DLGAP2: variants seen among roughly 807,000 people sequenced by gnomAD.
DLGAP2 encodes disks large-associated protein 2.
DLGAP2 carries 26 observed loss-of-function variants against 100.3 expected under a neutral mutation model. That is an observed-to-expected ratio of 0.26 (90% CI 0.19 to 0.36). The LOEUF is 0.36. Ranked by LOEUF, DLGAP2 falls within the 10% of genes least tolerant of loss-of-function variation. The pLI is 1.00. For missense variants in DLGAP2, 1,858 were observed against 1,453.2 expected (o/e 1.28, Z -4.53); for synonymous variants, 886 against 630.1 (o/e 1.41, Z -6.08).
intron 2 of DLGAP2, among the ~76,000 whole-genome samples, chr8:1,048,314 G>A (rs1802571582): frequency 6.6e-6 from 1 of 152,124 alleles, no homozygotes; most frequent in Admixed American, 6.5e-5. Flanking sequence ...AGACATGCAG[G>A]AAGTAAATCA....
chr8:1,204,933 C>G (rs1321465165), intron 2 of DLGAP2, among the ~76,000 whole-genome samples: 1 of 152,194 alleles, frequency 6.6e-6, no homozygotes, highest in African/African-American at 2.4e-5. Flanking sequence ...ACAGGAGCAA[C>G]AGATGAAAAT....
chr8:951,475 T>G (rs921974075), intron 2 of DLGAP2, among the ~76,000 whole-genome samples: 16 of 152,336 alleles, frequency 1.1e-4, no homozygotes, highest in African/African-American at 3.6e-4. Flanking sequence ...GGTCTTGAAC[T>G]CCTGACCTCA....
rs575880339 is a variant in DLGAP2, at chr8:1,451,554, G to A, written c.107-49812G>A. On this transcript the variant is annotated intron_variant, in intron 3 of 14. Transcript: ENST00000637795. Reference sequence around the variant, plus strand: ...CTTAATCCTTCCCCACCTCAGCATCGCCTCTGGCCTCATCAAATCCGAGGT... The same window carrying A: ...CTTAATCCTTCCCCACCTCAGCATCACCTCTGGCCTCATCAAATCCGAGGT... Among the ~76,000 whole-genome samples, 20 of 151,952 alleles carry A rather than the reference G, an allele frequency of 1.3e-4. No homozygotes were observed. In the South Asian group the frequency reaches 3.6e-3, roughly 27 times the overall value.
intron 3 of DLGAP2, among the ~76,000 whole-genome samples, chr8:1,497,898 G>A (rs1183088076): frequency 6.6e-6 from 1 of 152,206 alleles, no homozygotes; most frequent in Admixed American, 6.5e-5. Context: ...TTTATTCTGA[G>A]CCAAAGATGA....
intron 3 of DLGAP2, among the ~76,000 whole-genome samples, chr8:1,374,512 C>T (rs145116412): frequency 1.3e-5 from 2 of 152,234 alleles, no homozygotes; most frequent in African/African-American, 4.8e-5. Flanking sequence ...TCTGTTCGCT[C>T]CAATTTACTT....
chr8:882,722 C>G (rs1797834459), intron 1 of DLGAP2, among the ~76,000 whole-genome samples: 1 of 147,168 alleles, frequency 6.8e-6, no homozygotes, highest in Admixed American at 6.7e-5. Context: ...GCGGAGGCCT[C>G]TCCTGCGCGC....
intron 2 of DLGAP2, among the ~76,000 whole-genome samples, chr8:1,056,116 G>T (rs893666107): frequency 2.0e-5 from 3 of 152,194 alleles, no homozygotes; most frequent in Non-Finnish European, 2.9e-5. Context: ...AGGCAATTCA[G>T]TGTAACACTG....
rs1368504532 is a variant in DLGAP2 at position 1,431,766 on chromosome 8, G to C, written c.107-69600G>C. On this transcript the variant is annotated intron_variant, in intron 3 of 14. Coordinates refer to ENST00000637795, the MANE Select transcript of DLGAP2 (RefSeq NM_001346810.2). ...CTCAGCCTTCCTTTTCTTTAGTTTG[G>C]TGTTTTCATTTGTAAAATGAAGACA... Among the ~76,000 whole-genome samples the C allele has an allele frequency of 3.9e-5, 6 of 152,290 alleles. No homozygotes were observed. In the East Asian group the frequency reaches 9.7e-4, roughly 25 times the overall value.
chr8:764,804 A>G (rs1330171303), intron 1 of DLGAP2, among the ~76,000 whole-genome samples: 1 of 152,198 alleles, frequency 6.6e-6, no homozygotes, highest in Non-Finnish European at 1.5e-5. Flanking sequence ...CTGTGACCTA[A>G]GCAAAAAAGC....
At chr8:1,197,222 A>T (rs1208520313) in intron 2 of DLGAP2, among the ~76,000 whole-genome samples, 1 of 152,158 alleles carries the variant, frequency 6.6e-6, no homozygotes, top group Non-Finnish European at 1.5e-5. Context: ...AGTCCACTTC[A>T]GGTCTCTTCT....
chr8:828,120 C>T (rs529096505), intron 1 of DLGAP2, among the ~76,000 whole-genome samples: 1 of 152,172 alleles, frequency 6.6e-6, no homozygotes, highest in African/African-American at 2.4e-5. Flanking sequence ...ACCACAGGAC[C>T]GAAGCGAAAT....
intron 3 of DLGAP2, among the ~76,000 whole-genome samples, chr8:1,328,807 T>C (rs1262056583): frequency 6.6e-6 from 1 of 152,270 alleles, no homozygotes; most frequent in East Asian, 1.9e-4. Flanking sequence ...TATCGGGGTG[T>C]TTATGCAGAG....
chr8:1,334,204 G>A (rs189972625), intron 3 of DLGAP2, among the ~76,000 whole-genome samples: 1 of 152,242 alleles, frequency 6.6e-6, no homozygotes, highest in Non-Finnish European at 1.5e-5. Flanking sequence ...AATGTTTCCT[G>A]TGATGAAAAT....
chr8:1,472,378 C>T (rs947226114), intron 3 of DLGAP2, among the ~76,000 whole-genome samples: 2 of 152,146 alleles, frequency 1.3e-5, no homozygotes, highest in African/African-American at 2.4e-5. Context: ...GGGTGTGGCC[C>T]TTGCAGTTGG....
chr8:1,539,664 C>G (rs1563208971), intron 4 of DLGAP2, among the ~76,000 whole-genome samples: 1 of 151,356 alleles, frequency 6.6e-6, no homozygotes, highest in Non-Finnish European at 1.5e-5. Flanking sequence ...AAGGGGCCAC[C>G]TTCTCCCTCT....
chr8:925,125 G>T (rs1328736346), intron 2 of DLGAP2, among the ~76,000 whole-genome samples: 1 of 152,006 alleles, frequency 6.6e-6, no homozygotes, highest in Non-Finnish European at 1.5e-5. Context: ...TGGCCACTTG[G>T]AGTGTTTTGG....
At position 1,107,515 on chromosome 8, in the gene DLGAP2, A is replaced by G. The variant is rs575116767; in HGVS notation, c.74-151336A>G. Among the ~76,000 whole-genome samples, 66 of 152,278 alleles carry G rather than the reference A, an allele frequency of 4.3e-4. No individual in the cohort carries two copies. In the South Asian group the frequency reaches 7.3e-3, roughly 17 times the overall value. On this transcript the variant is annotated intron_variant, in intron 2 of 14. Transcript: ENST00000637795. Reference sequence around the variant, plus strand: ...AAAAGCCACAGCTCTTCACAGGGAGAGCCAGGGCCCCTCGCGTGGGAAGCT... The same window carrying G: ...AAAAGCCACAGCTCTTCACAGGGAGGGCCAGGGCCCCTCGCGTGGGAAGCT...
chr8:816,538 T>C (rs556587697), intron 1 of DLGAP2, among the ~76,000 whole-genome samples: 38 of 152,316 alleles, frequency 2.5e-4, no homozygotes, highest in Non-Finnish European at 4.4e-4. Flanking sequence ...TTAAGGAGGC[T>C]AAAAATAGTA....
rs1263333288 is a variant in DLGAP2 at position 1,704,586 on chromosome 8, AT to A, written c.*3181del. Reference sequence around the variant, plus strand: ...ACCATAGTTTTCTCAGCAAATTTATATCACCATCTTAGAATGGTATATAAAA... The same window carrying A: ...ACCATAGTTTTCTCAGCAAATTTATACACCATCTTAGAATGGTATATAAAA... On this transcript the variant is annotated 3_prime_UTR_variant, in exon 15 of 15. Coordinates refer to ENST00000637795, the MANE Select transcript of DLGAP2 (RefSeq NM_001346810.2). 1.3e-5 allele frequency: 2 copies of A among 152,246 alleles called. No homozygotes were observed. Among genetic ancestry groups the A allele is most frequent in the African/African-American group, 2.4e-5 (1 of 41,464 alleles). 9.4% of individuals were successfully genotyped at this position (152,246 alleles called of 1,614,324 possible).
Sources: allele counts gnomAD v4.1 joint callset (sites outside exome capture counted in the v4.1 genomes callset), GRCh38; gene constraint gnomAD v4.1.1; transcripts MANE v1.5; gene names NCBI Gene and HGNC (gene_info 2026-07-23, HGNC 2026-07-21).